The following CNTRL variants were observed in gnomAD, a reference collection of about 807,000 sequenced individuals.
CNTRL encodes 110 kDa centrosomal protein.
A neutral mutation model predicts 303.7 loss-of-function variants in CNTRL; 233 were observed. The ratio of observed to expected loss-of-function variants is 0.77; its 90% CI spans 0.69 to 0.86. The LOEUF is 0.86. CNTRL is among the 40% of genes least tolerant of loss of function. The pLI is 0.00. For missense variants in CNTRL, 2,524 were observed against 2,650.6 expected, an observed-to-expected ratio of 0.95 and a Z score of 1.05; for synonymous variants, 900 against 922.2, an observed-to-expected ratio of 0.98 and a Z score of 0.44.
At chr9:121,145,516 A>C in intron 22 of CNTRL, 131 bp downstream of exon 22, 1 of 874,552 alleles carries the variant, frequency 1.1e-6, no homozygotes. Context: ...TAATTAGCTT[A>C]ATAAGTAAAA....
chr9:121,113,690 G>A lies in CNTRL; in HGVS notation c.1311G>A (p.Thr437=), dbSNP rs557327937. ...MNLRGHTPLD[T]QLEDKEKKIS... ...TGAGAGGCCACACACCACTGGACAC[G>A]CAACTGGAAGACAAAGAAAAAAAAA... Residue 437 remains threonine, a synonymous_variant, in exon 10 of 44, where the codon ACG becomes ACA. Coordinates refer to ENST00000373855, the MANE Select transcript of CNTRL (RefSeq NM_007018.6). 1.9e-5 allele frequency: 29 copies of A among 1,543,092 alleles called. No individual in the cohort carries two copies. In the East Asian group the frequency reaches 2.3e-4, roughly 12 times the overall value.
At chr9:121,147,133 G>C (rs2051913534) in intron 23 of CNTRL, among the ~76,000 whole-genome samples, 1 of 152,154 alleles carries the variant, frequency 6.6e-6, no homozygotes, top group African/African-American at 2.4e-5. Flanking sequence ...CTCCTGAGTA[G>C]CTGGGATTAT....
chr9:121,144,218 C>G (rs976723018), intron 20 of CNTRL, 136 bp downstream of exon 20: 2 of 745,276 alleles, frequency 2.7e-6, no homozygotes, highest in African/African-American at 3.5e-5. Context: ...TTCTTAAGAC[C>G]TAAAGATTAT....
At position 121,113,706 on chromosome 9, in the gene CNTRL, GAA is replaced by G; in HGVS notation, c.1335_1336del (p.Lys445AsnfsTer13). 1 of 1,489,438 alleles carries G rather than the reference GAA, an allele frequency of 6.7e-7. No homozygotes were observed. The allele number at this position is 1,489,438 out of a possible 1,614,324, so 92.3% of individuals were successfully genotyped here. A position where few individuals can be genotyped will look rare whatever the true frequency, so the allele number is the denominator to read the frequency against. On this transcript the variant is annotated frameshift_variant, in exon 10 of 44. Coordinates refer to ENST00000373855, the MANE Select transcript of CNTRL (RefSeq NM_007018.6). LOFTEE classifies it high-confidence loss of function. ...TPLDTQLEDK[E>X]KKISAAQTRL... ...ACTGGACACGCAACTGGAAGACAAA[GAA>G]AAAAAAATAAGTGCAGGTTAAAAAA... is the stretch of plus-strand genomic sequence containing the variant.
chr9:121,122,835 G>A (rs185753947), intron 12 of CNTRL, among the ~76,000 whole-genome samples: 11 of 152,280 alleles, frequency 7.2e-5, no homozygotes, highest in Admixed American at 1.3e-4. Flanking sequence ...GGGTGCGGGA[G>A]GGTGTGTGGG....
At position 121,087,307 on chromosome 9, in the gene CNTRL, A is replaced by G. The variant is rs143631897; in HGVS notation, c.-31-989A>G. On this transcript the variant is annotated intron_variant, in intron 2 of 43. Transcript: ENST00000373855. ...AGGAGGAACGGGGTAAATAAATTCA[A>G]TCTGGACTGAGTGTAGGATGCCAAT... Among the ~76,000 whole-genome samples, 12 of 152,284 alleles carry G rather than the reference A, an allele frequency of 7.9e-5. No individual in the cohort carries two copies. In the East Asian group the frequency reaches 1.9e-3, roughly 24 times the overall value.
Position 121,118,473 on chromosome 9 carries a change from G to T in CNTRL, c.1583G>T (p.Gly528Val). The T allele has an allele frequency of 6.2e-7, 1 of 1,612,080 alleles. No individual in the cohort carries two copies. The highest frequency in any genetic ancestry group is 8.5e-7 in the Non-Finnish European group (1 of 1,178,652). Residue 528 changes from glycine (G) to valine (V), a missense_variant, in exon 12 of 44, where the codon GGA becomes GTA. Transcript: ENST00000373855. Reference sequence around the variant, plus strand: ...GAAAAGCAAAAGCAGGAAATTGCCGGAAAGCAGAAGGAGATTAAGGACCTG... The same window carrying T: ...GAAAAGCAAAAGCAGGAAATTGCCGTAAAGCAGAAGGAGATTAAGGACCTG... ...QMEKQKQEIA[G>V]KQKEIKDLQI...
intron 4 of CNTRL, among the ~76,000 whole-genome samples, chr9:121,092,041 G>C (rs1243296250): frequency 6.8e-6 from 1 of 146,500 alleles, no homozygotes; most frequent in East Asian, 2.0e-4. Flanking sequence ...AGTAATGCTA[G>C]AGTAGTGAAA....
chr9:121,130,042 T>A (rs1194752094), intron 14 of CNTRL, among the ~76,000 whole-genome samples: 5 of 152,234 alleles, frequency 3.3e-5, no homozygotes, highest in Admixed American at 3.3e-4. Context: ...TTGCCAGTAT[T>A]TTATTGAGGA....
intron 23 of CNTRL, among the ~76,000 whole-genome samples, chr9:121,147,831 T>C (rs1407500458): frequency 6.6e-6 from 1 of 152,208 alleles, no homozygotes; most frequent in Non-Finnish European, 1.5e-5. Flanking sequence ...AGCCAACTCC[T>C]TGGTACAACC....
At position 121,154,840 on chromosome 9, in the gene CNTRL, G is replaced by T. The variant is rs1225097148; in HGVS notation, c.4292G>T (p.Arg1431Leu). The change falls in exon 27 of 44, where the codon CGT becomes CTT. Residue 1431 changes from arginine (R) to leucine (L), a missense_variant. Coordinates refer to ENST00000373855, the MANE Select transcript of CNTRL (RefSeq NM_007018.6). ...TGCATTGAGAAGACTCTTCTGAAAC[G>T]TCGCTCAGAGCTCAGGGAAGCTGAC... ...IECIEKTLLK[R>L]RSELREADRL... 1 of 1,614,150 alleles carries T rather than the reference G, an allele frequency of 6.2e-7. No individual in the cohort carries two copies. Among genetic ancestry groups the T allele is most frequent in the Admixed American group, 1.7e-5 (1 of 60,028 alleles).
At chr9:121,085,917 G>A (rs554148031) in intron 2 of CNTRL, among the ~76,000 whole-genome samples, 1 of 152,178 alleles carries the variant, frequency 6.6e-6, no homozygotes, top group Admixed American at 6.5e-5. Flanking sequence ...CATAGGCATT[G>A]GGAACCATTA....
chr9:121,138,878 C>T (rs1018102140), intron 16 of CNTRL, among the ~76,000 whole-genome samples, 199 bp downstream of exon 16: 3 of 152,134 alleles, frequency 2.0e-5, no homozygotes, highest in South Asian at 2.1e-4. Flanking sequence ...TTGTGAATCT[C>T]CTTTTGTTTT....
At chr9:121,119,881 C>T (rs974223065) in intron 12 of CNTRL, among the ~76,000 whole-genome samples, 1 of 152,100 alleles carries the variant, frequency 6.6e-6, no homozygotes, top group Non-Finnish European at 1.5e-5. Context: ...GCAAATTTTC[C>T]ACTGAACGTA....
At chr9:121,174,695 C>T (rs1276090175) in intron 42 of CNTRL, among the ~76,000 whole-genome samples, 2 of 152,102 alleles carry the variant, frequency 1.3e-5, no homozygotes, top group African/African-American at 4.8e-5. Context: ...ATAAACTGAT[C>T]TTCTCAGTCA....
intron 13 of CNTRL, among the ~76,000 whole-genome samples, chr9:121,125,120 C>T (rs1193406580): frequency 6.6e-6 from 1 of 151,770 alleles, no homozygotes; most frequent in Non-Finnish European, 1.5e-5. Context: ...TATTTAGCAG[C>T]AAGAACTCAC....
At chr9:121,086,460 G>A (rs2048344697) in intron 2 of CNTRL, among the ~76,000 whole-genome samples, 1 of 151,992 alleles carries the variant, frequency 6.6e-6, no homozygotes, top group Non-Finnish European at 1.5e-5. Flanking sequence ...AAATTAACAT[G>A]GTAAAAAGAA....
At chr9:121,153,562 C>G (rs2052403648) in intron 26 of CNTRL, among the ~76,000 whole-genome samples, 1 of 152,172 alleles carries the variant, frequency 6.6e-6, no homozygotes, top group Non-Finnish European at 1.5e-5. Flanking sequence ...TTGGTCATAG[C>G]ACTGTTCACA....
chr9:121,082,533 T>C (rs952213865), intron 2 of CNTRL, among the ~76,000 whole-genome samples: 5 of 152,228 alleles, frequency 3.3e-5, no homozygotes, highest in African/African-American at 4.8e-5. Context: ...AATTTCATCA[T>C]TGTACAAACA....
Sources: gnomAD v4.1 joint callset for allele counts (sites outside exome capture counted in the v4.1 genomes callset) on GRCh38, gnomAD v4.1.1 for gene constraint, MANE v1.5 for transcripts, NCBI Gene and HGNC (gene_info 2026-07-23, HGNC 2026-07-21) for gene names.